Variants in EHF observed in about 807,000 individuals in gnomAD.
The protein encoded by EHF is ETS homologous factor.
A neutral mutation model predicts 45.1 loss-of-function variants in EHF; 14 were observed. The observed-to-expected ratio is 0.31, with a 90% CI of 0.21 to 0.49. The LOEUF is 0.49. Ranked by LOEUF, EHF falls within the 20% of genes least tolerant of loss-of-function variation. The probability of loss-of-function intolerance (pLI) is 0.99; values close to 1 mark genes in which losing one functional copy is unlikely to be tolerated. For synonymous variants in EHF, 136 were observed against 131.8 expected (o/e 1.03, Z -0.22); for missense variants, 282 against 371.4 (o/e 0.76, Z 1.98).
chr11:34,641,495 A>G (rs1853992012), intron 1 of EHF, among the ~76,000 whole-genome samples: 1 of 152,192 alleles, frequency 6.6e-6, no homozygotes, highest in African/African-American at 2.4e-5. Flanking sequence ...TGGGTTGGCA[A>G]TTGTAATCCT....
At chr11:34,646,861 G>A (rs1233976425) in intron 3 of EHF, 177 bp downstream of exon 3, 21 of 768,414 alleles carry the variant, frequency 2.7e-5, no homozygotes, top group Non-Finnish European at 3.7e-5. Context: ...TGAAGCATAG[G>A]GTACCTGGTG....
chr11:34,629,055 T>A (rs77095791), intron 1 of EHF, among the ~76,000 whole-genome samples: 1,802 of 152,308 alleles, frequency 0.012, 46 homozygotes, highest in African/African-American at 0.041. Flanking sequence ...ACTGGGAGTC[T>A]GGGAAGCTGC....
chr11:34,621,540 T>C (rs764577714), intron 1 of EHF, among the ~76,000 whole-genome samples: 1 of 152,206 alleles, frequency 6.6e-6, no homozygotes, highest in Non-Finnish European at 1.5e-5. Context: ...GTTGAATTCT[T>C]CTGGAACAAA....
chr11:34,663,006 G>T lies in EHF; in HGVS notation c.*4075G>T, dbSNP rs949135204. The stretch of plus-strand genomic sequence containing the variant: ...ACTGTGTCTTATGAACCTCTGAAAC[G>T]TACAAGCCTTCACAAGTTTAACTAA... On this transcript the variant is annotated 3_prime_UTR_variant, in exon 9 of 9. Coordinates refer to ENST00000257831, the MANE Select transcript of EHF (RefSeq NM_012153.6). Among the ~76,000 whole-genome samples the T allele has an allele frequency of 1.3e-5, 2 of 151,936 alleles. No homozygotes were observed. The highest frequency in any genetic ancestry group is 3.9e-4 in the East Asian group (2 of 5,192).
intron 3 of EHF, 146 bp from the exon 4 acceptor site, chr11:34,648,873 G>A: frequency 1.4e-6 from 1 of 724,356 alleles, no homozygotes; most frequent in Non-Finnish European, 2.3e-6. Context: ...GAGGCTGACA[G>A]AGAAACCACC....
chr11:34,632,696 T>C (rs554525006), intron 1 of EHF: 135 of 1,532,342 alleles, frequency 8.8e-5, no homozygotes, highest in Non-Finnish European at 1.1e-4. Flanking sequence ...CGGCTCTCTC[T>C]GCTCTTGCCC....
At chr11:34,633,298 C>T (rs961650443) in intron 1 of EHF, among the ~76,000 whole-genome samples, 4 of 152,162 alleles carry the variant, frequency 2.6e-5, no homozygotes, top group Admixed American at 6.5e-5. Context: ...GAATTCTCTA[C>T]ATTGAATCTT....
chr11:34,637,419 T>C (rs1853549435), intron 1 of EHF, among the ~76,000 whole-genome samples: 1 of 152,206 alleles, frequency 6.6e-6, no homozygotes, highest in Non-Finnish European at 1.5e-5. Context: ...GGAGTTTGTG[T>C]GTACCTGAAA....
chr11:34,646,665 G>T lies in EHF; in HGVS notation c.324G>T (p.Leu108Phe). The T allele has an allele frequency of 6.2e-7, 1 of 1,611,858 alleles. No homozygotes were observed. The highest frequency in any genetic ancestry group is 8.5e-7 in the Non-Finnish European group (1 of 1,179,984). Residue 108 changes from leucine to phenylalanine, a missense_variant, in exon 3 of 9, where the codon TTG becomes TTT. Leu to Phe is a conservative substitution (Grantham distance 22, BLOSUM62 0). Transcript: ENST00000257831. ...GTAGQLLYSN[L>F]QHLKWNGQCS... ...CGGGGCAGCTCCTCTACAGCAACTT[G>T]CAGCATCTGAAGTGGAACGGTGACT...
chr11:34,659,612 T>G lies in EHF; in HGVS notation c.*681T>G, dbSNP rs2134247428. 6.6e-6 allele frequency: 1 copy of G among 152,344 alleles called. No homozygotes were observed. Among genetic ancestry groups the G allele is most frequent in the South Asian group, 2.1e-4 (1 of 4,822 alleles). 9.4% of individuals were successfully genotyped at this position (152,344 alleles called of 1,614,324 possible). On this transcript the variant is annotated 3_prime_UTR_variant, in exon 9 of 9. Transcript: ENST00000257831. The stretch of plus-strand genomic sequence containing the variant: ...TGGTTTATCTGATGCCAGGGCTGTC[T>G]TCCTTTCTCCCCTTTGGATGGTTGG...
chr11:34,642,884 G>A lies in EHF; in HGVS notation c.97+157G>A, dbSNP rs151148136. ...AACTCAGTTTTGGAGTTCCCTACCA[G>A]CCCCCAGCGTTCCAGACAAAAGCTC... On this transcript the variant is annotated intron_variant, in intron 2 of 8. Coordinates refer to ENST00000257831, the MANE Select transcript of EHF (RefSeq NM_012153.6). Among the ~76,000 whole-genome samples, 5 of 152,262 alleles carry A rather than the reference G, an allele frequency of 3.3e-5. No homozygotes were observed. In the East Asian group the frequency reaches 9.6e-4, roughly 29 times the overall value.
chr11:34,623,235 G>A (rs761207516), intron 1 of EHF, among the ~76,000 whole-genome samples: 8 of 151,958 alleles, frequency 5.3e-5, no homozygotes, highest in African/African-American at 1.2e-4. Context: ...ACATGTGCTC[G>A]CCACTATGCC....
At chr11:34,639,211 A>C (rs560443573) in intron 1 of EHF, among the ~76,000 whole-genome samples, 1 of 151,302 alleles carries the variant, frequency 6.6e-6, no homozygotes. Flanking sequence ...TGAAGTCTCT[A>C]CTTCCACACA....
intron 3 of EHF, among the ~76,000 whole-genome samples, chr11:34,648,424 G>T (rs1254296731): frequency 6.6e-6 from 1 of 151,998 alleles, no homozygotes; most frequent in East Asian, 1.9e-4. Flanking sequence ...AGCAAACAAG[G>T]TCATGTGATG....
intron 1 of EHF, among the ~76,000 whole-genome samples, chr11:34,639,042 A>T (rs1433329446): frequency 6.6e-6 from 1 of 152,230 alleles, no homozygotes. Flanking sequence ...CTTTCAAAAC[A>T]GCCCTTAGGC....
rs914488249 is a variant in EHF at position 34,659,186 on chromosome 11, AT to A, written c.*263del. 1.5e-4 allele frequency: 50 copies of A among 324,536 alleles called. No homozygotes were observed. The highest frequency in any genetic ancestry group is 5.8e-4 in the African/African-American group (27 of 46,516). 20.1% of individuals were successfully genotyped at this position (324,536 alleles called of 1,614,324 possible). A position where few individuals can be genotyped will look rare whatever the true frequency, so the allele number is the denominator to read the frequency against. ...AAATATGATGCTGTATGTGGTTGTG[AT>A]TTTTTTTCACCTCTATTGTGAATTC... On this transcript the variant is annotated 3_prime_UTR_variant, in exon 9 of 9. Transcript: ENST00000257831.
chr11:34,639,462 A>T (rs182303689), intron 1 of EHF, among the ~76,000 whole-genome samples: 2 of 152,320 alleles, frequency 1.3e-5, no homozygotes, highest in East Asian at 3.9e-4. Context: ...CCACGATCTC[A>T]TTCCATCTCA....
intron 6 of EHF, among the ~76,000 whole-genome samples, chr11:34,656,313 C>A (rs1451399998): frequency 1.3e-5 from 2 of 151,926 alleles, no homozygotes; most frequent in African/African-American, 4.8e-5. Flanking sequence ...TAAAATGTAA[C>A]TTTGCATGCC....
chr11:34,657,070 C>T (rs1443035418), intron 7 of EHF, 100 bp downstream of exon 7: 12 of 1,373,484 alleles, frequency 8.7e-6, no homozygotes, highest in Non-Finnish European at 1.1e-5. Flanking sequence ...CTGTCTGCTG[C>T]CTTCATGTCT....
Sources: allele counts gnomAD v4.1 joint callset (sites outside exome capture counted in the v4.1 genomes callset), GRCh38; gene constraint gnomAD v4.1.1; transcripts MANE v1.5; gene names NCBI Gene and HGNC (gene_info 2026-07-23, HGNC 2026-07-21).